The following FAAH2 variants were observed in gnomAD, a reference collection of about 807,000 sequenced individuals.
The protein encoded by FAAH2 is fatty acid amide hydrolase 2.
Under a neutral mutation model 36.9 loss-of-function variants are expected in FAAH2, and 60 were observed. The ratio of observed to expected loss-of-function variants is 1.63; its 90% CI spans 1.32 to 2.02. The LOEUF is 2.02. Ranked by LOEUF, FAAH2 falls within the 30% of genes most tolerant of loss-of-function variation. The pLI, the probability that FAAH2 is intolerant of heterozygous loss-of-function variation, is 0.00. For missense variants in FAAH2, 689 were observed against 397.5 expected (o/e 1.73, Z -6.23); for synonymous variants, 214 against 143.8 (o/e 1.49, Z -3.49).
chrX:57,147,100 C>T, the FAAH2 span, among the ~76,000 whole-genome samples: 1 of 111,528 alleles, frequency 9.0e-6, no homozygotes, highest in Non-Finnish European at 1.9e-5. Context: ...AGGAAGGATT[C>T]TCTCTTTATC....
intron 4 of FAAH2, among the ~76,000 whole-genome samples, chrX:57,335,570 G>A (rs201021056): frequency 4.4e-5 from 5 of 113,336 alleles, no homozygotes; most frequent in Non-Finnish European, 9.4e-5. Flanking sequence ...TCAGTAGATG[G>A]AATATACAAC....
At chrX:57,414,634 A>T (rs1051379506) in intron 7 of FAAH2, among the ~76,000 whole-genome samples, 10 of 110,901 alleles carry the variant, frequency 9.0e-5, no homozygotes, top group African/African-American at 3.3e-4. Flanking sequence ...TTTATTGAGG[A>T]TTTTTGCATT....
chrX:57,386,383 A>T (rs2055023663), intron 7 of FAAH2, among the ~76,000 whole-genome samples: 1 of 111,563 alleles, frequency 9.0e-6, no homozygotes, highest in African/African-American at 3.2e-5. Context: ...AAATTAAGGT[A>T]CTATACCTTC....
chrX:57,373,574 G>A (rs765364196), intron 5 of FAAH2, among the ~76,000 whole-genome samples: 1 of 110,668 alleles, frequency 9.0e-6, no homozygotes, highest in Non-Finnish European at 1.9e-5. Flanking sequence ...TGATGGCATT[G>A]TTTTCTTCTC....
chrX:57,266,498 G>A, the FAAH2 span, among the ~76,000 whole-genome samples: 1 of 112,689 alleles, frequency 8.9e-6, no homozygotes, highest in Non-Finnish European at 1.9e-5. Context: ...GCCGCCAGGG[G>A]CAACTGAAAG....
intron 5 of FAAH2, among the ~76,000 whole-genome samples, chrX:57,352,357 C>CA (rs768715762): frequency 9.4e-6 from 1 of 106,413 alleles, no homozygotes; most frequent in African/African-American, 3.4e-5. Context: ...GAATCAAGAA[C>CA]AAAAACCTTG....
chrX:57,167,567 A>AT, the FAAH2 span, among the ~76,000 whole-genome samples: 58 of 109,942 alleles, frequency 5.3e-4, no homozygotes, highest in South Asian at 0.01. Context: ...ATTACTTTTG[A>AT]TTTTTTTTTG....
intron 10 of FAAH2, among the ~76,000 whole-genome samples, chrX:57,459,038 G>T (rs1291407420): frequency 1.8e-5 from 2 of 112,075 alleles, no homozygotes; most frequent in Non-Finnish European, 3.8e-5. Flanking sequence ...CTCGCTCAGT[G>T]GTTCCCACTC....
At chrX:57,333,386 T>A (rs763823448) in intron 4 of FAAH2, among the ~76,000 whole-genome samples, 47 of 111,586 alleles carry the variant, frequency 4.2e-4, no homozygotes, top group Non-Finnish European at 8.5e-4. Context: ...TAAGGCATAC[T>A]AAAAGACAAA....
intron 10 of FAAH2, among the ~76,000 whole-genome samples, chrX:57,483,965 C>G (rs938459108): frequency 1.8e-5 from 2 of 109,073 alleles, no homozygotes; most frequent in Non-Finnish European, 3.8e-5. Flanking sequence ...GCCACCACAC[C>G]CAGCTAATTT....
At chrX:57,467,372 G>T (rs753334608) in intron 10 of FAAH2, among the ~76,000 whole-genome samples, 3 of 111,264 alleles carry the variant, frequency 2.7e-5, no homozygotes, top group Non-Finnish European at 5.7e-5. Flanking sequence ...GGTGACAGAA[G>T]GCACCTTGAA....
At position 57,286,866 on chromosome X, in the gene FAAH2, T is replaced by C; in HGVS notation, c.41T>C (p.Leu14Ser). The change falls in exon 1 of 11, where the codon TTG (leucine) becomes TCG (serine). Residue 14 changes from leucine to serine, a missense_variant. Physicochemically the swap from Leu to Ser is moderately radical, Grantham distance 145. Transcript: ENST00000374900. ...SFTARIQLFL[L>S]RALGFLIGLV... ...ACCGCCCGCATTCAGTTGTTCCTCT[T>C]GCGGGCGCTAGGCTTTCTCATAGGC... is the stretch of plus-strand genomic sequence containing the variant. The C allele has an allele frequency of 1.7e-6, 2 of 1,192,445 alleles. No individual in the cohort carries two copies. The highest frequency in any genetic ancestry group is 2.3e-6 in the Non-Finnish European group (2 of 886,591).
chrX:57,463,159 G>A (rs780894278), intron 10 of FAAH2, among the ~76,000 whole-genome samples: 1 of 111,125 alleles, frequency 9.0e-6, no homozygotes, highest in Admixed American at 9.6e-5. Flanking sequence ...AAATAAGAGA[G>A]GACACAAACA....
the FAAH2 span, among the ~76,000 whole-genome samples, chrX:57,267,863 C>G: frequency 8.9e-6 from 1 of 112,183 alleles, no homozygotes; most frequent in South Asian, 3.7e-4. Context: ...TCAGCAACAT[C>G]AAAGATCAAA....
chrX:57,476,323 G>A (rs761624838), intron 10 of FAAH2, among the ~76,000 whole-genome samples: 20 of 110,631 alleles, frequency 1.8e-4, no homozygotes, highest in African/African-American at 5.9e-4. Flanking sequence ...GTATGATATC[G>A]GCTATAAGTT....
chrX:57,172,088 C>T, the FAAH2 span, among the ~76,000 whole-genome samples: 1 of 111,070 alleles, frequency 9.0e-6, no homozygotes, highest in South Asian at 3.8e-4. Context: ...TATGGGTTCT[C>T]TATTCTATTT....
the FAAH2 span, among the ~76,000 whole-genome samples, chrX:57,247,515 G>C: frequency 4.5e-5 from 5 of 110,941 alleles, no homozygotes; most frequent in African/African-American, 1.6e-4. Flanking sequence ...AACAGCACCA[G>C]AGCAGGCCAT....
At chrX:57,306,824 T>C (rs1456155515) in intron 2 of FAAH2, among the ~76,000 whole-genome samples, 1 of 93,877 alleles carries the variant, frequency 1.1e-5, no homozygotes, top group African/African-American at 3.7e-5. Context: ...ATATACACTA[T>C]ATATATACTA....
rs181984676 is a variant in FAAH2, at chrX:57,399,465, A to C, written c.996+18436A>C. ...AAACTATGTCCTTGTGAGGTTCCCC[A>C]TTCTCTTTCTCTTGCTGAGTACTGG... is the stretch of plus-strand genomic sequence containing the variant. On this transcript the variant is annotated intron_variant, in intron 7 of 10. Coordinates refer to ENST00000374900, the MANE Select transcript of FAAH2 (RefSeq NM_174912.4). Among the ~76,000 whole-genome samples, 472 of 111,968 alleles carry C rather than the reference A, an allele frequency of 4.2e-3. 3 individuals are homozygous for C. Among genetic ancestry groups the C allele is most frequent in the African/African-American group, 0.015 (453 of 30,834 alleles).
Sources: gnomAD v4.1 joint callset for allele counts (sites outside exome capture counted in the v4.1 genomes callset) on GRCh38, gnomAD v4.1.1 for gene constraint, MANE v1.5 for transcripts, NCBI Gene and HGNC (gene_info 2026-07-23, HGNC 2026-07-21) for gene names.